The following DPP6 variants were observed in gnomAD, a reference collection of about 807,000 sequenced individuals.
DPP6 encodes A-type potassium channel modulatory protein DPP6.
A neutral mutation model predicts 122.6 loss-of-function variants in DPP6; 69 were observed. The observed-to-expected ratio is 0.56, with a 90% CI of 0.46 to 0.69. DPP6 has a LOEUF of 0.69. DPP6 is among the 30% of genes least tolerant of loss of function. The pLI is 0.00. For synonymous variants in DPP6, 418 were observed against 433.1 expected, an observed-to-expected ratio of 0.97 and a Z score of 0.43; for missense variants, 928 against 1,116.9, an observed-to-expected ratio of 0.83 and a Z score of 2.41.
chr7:153,761,014 C>A, the DPP6 span, among the ~76,000 whole-genome samples: 2 of 152,248 alleles, frequency 1.3e-5, no homozygotes, highest in Non-Finnish European at 2.9e-5. Flanking sequence ...GTCTCCTGGG[C>A]CCCACCTAGG....
chr7:154,006,067 G>T (rs1339446216), intron 1 of DPP6, among the ~76,000 whole-genome samples: 2 of 152,192 alleles, frequency 1.3e-5, no homozygotes, highest in African/African-American at 4.8e-5. Context: ...CCAAATCTCA[G>T]TGGAGCCTGT....
the DPP6 span, among the ~76,000 whole-genome samples, chr7:153,847,906 C>T: frequency 6.6e-5 from 10 of 152,162 alleles, no homozygotes; most frequent in Non-Finnish European, 1.2e-4. Context: ...TTCACAGCCA[C>T]GTTGGCAATG....
chr7:153,773,265 G>A, the DPP6 span, among the ~76,000 whole-genome samples: 92 of 38,430 alleles, frequency 2.4e-3, no homozygotes, highest in African/African-American at 0.01. Context: ...CTTTTCTTTC[G>A]TGTGTGTGTG....
Position 154,036,478 on chromosome 7 carries a change from C to G in DPP6, c.51+148744C>G, listed in dbSNP as rs577269519. ...TGAGCTTCAAATGTCTTGCTTACAG[C>G]TATTTTGGGGCTCTGAGTTGAGATT... On this transcript the variant is annotated intron_variant, in intron 1 of 25. Coordinates refer to the DPP6 transcript ENST00000404039. Among the ~76,000 whole-genome samples, 49 of 148,888 alleles carry G rather than the reference C, an allele frequency of 3.3e-4. 1 individual carries two copies. In the South Asian group the frequency reaches 0.01, roughly 31 times the overall value.
chr7:154,374,854 T>G (rs1275992120), intron 1 of DPP6, among the ~76,000 whole-genome samples: 1 of 152,092 alleles, frequency 6.6e-6, no homozygotes, highest in Non-Finnish European at 1.5e-5. Flanking sequence ...TCAGGTGATC[T>G]GCCCGCCTCA....
intron 7 of DPP6, among the ~76,000 whole-genome samples, chr7:154,717,202 C>A (rs753031901): frequency 3.9e-5 from 6 of 152,116 alleles, no homozygotes; most frequent in Non-Finnish European, 7.4e-5. Flanking sequence ...TTCATCAGCT[C>A]GAACATTTAT....
At chr7:154,501,576 C>G (rs1265898542) in intron 3 of DPP6, among the ~76,000 whole-genome samples, 2 of 152,210 alleles carry the variant, frequency 1.3e-5, no homozygotes, top group Non-Finnish European at 2.9e-5. Context: ...GTCTTGGCTG[C>G]TTCCACATGG....
At chr7:154,365,850 C>T (rs931248502) in intron 1 of DPP6, among the ~76,000 whole-genome samples, 34 of 149,534 alleles carry the variant, frequency 2.3e-4, no homozygotes, top group Admixed American at 3.4e-4. Context: ...CCCAGCTACT[C>T]GGGAGGCTGA....
chr7:154,385,212 G>A (rs527469428), intron 1 of DPP6, among the ~76,000 whole-genome samples: 88 of 152,198 alleles, frequency 5.8e-4, no homozygotes, highest in Non-Finnish European at 1.1e-3. Flanking sequence ...CTCATGATCC[G>A]CCCGCCTCGG....
At chr7:154,026,151 C>G (rs1798946075) in intron 1 of DPP6, 1 of 151,950 alleles carries the variant, frequency 6.6e-6, no homozygotes, top group Admixed American at 6.6e-5. Flanking sequence ...GTGCCACATG[C>G]CTGCATGACT....
intron 1 of DPP6, among the ~76,000 whole-genome samples, chr7:154,122,919 T>G (rs548820687): frequency 6.6e-6 from 1 of 152,356 alleles, no homozygotes; most frequent in East Asian, 1.9e-4. Context: ...TCCTCCTCCC[T>G]CTGACCATCA....
intron 1 of DPP6, chr7:154,057,963 G>A: frequency 6.6e-6 from 1 of 150,852 alleles, no homozygotes; most frequent in Non-Finnish European, 1.5e-5. Context: ...TGCCCTGCTA[G>A]TACAAGAAGC....
chr7:153,919,428 A>T (rs376136797), intron 1 of DPP6, among the ~76,000 whole-genome samples: 1 of 152,220 alleles, frequency 6.6e-6, no homozygotes, highest in Non-Finnish European at 1.5e-5. Flanking sequence ...GGCCTCATGC[A>T]TGTGAGTCCT....
intron 1 of DPP6, among the ~76,000 whole-genome samples, chr7:153,986,390 C>A (rs2129040174): frequency 1.3e-5 from 2 of 151,784 alleles, no homozygotes; most frequent in South Asian, 4.2e-4. Context: ...CATCTTCAGG[C>A]CCCAAATTGG....
chr7:154,638,094 C>G lies in DPP6; in HGVS notation c.680+221C>G, dbSNP rs56255210. Among the ~76,000 whole-genome samples the G allele has an allele frequency of 0.058, 8,811 of 152,240 alleles. 306 individuals are homozygous for G. The highest frequency in any genetic ancestry group is 0.074 in the Non-Finnish European group (5,058 of 68,016). On this transcript the variant is annotated intron_variant, in intron 6 of 25. Coordinates refer to ENST00000377770, the MANE Select transcript of DPP6 (RefSeq NM_130797.4). ...CTCACTTCCCCATTTGTGAAGCCCC[C>G]TTCCTAGAGCAACTCTGCCCTCTTC...
chr7:154,254,315 G>T (rs1008757339), intron 1 of DPP6, among the ~76,000 whole-genome samples: 1 of 152,032 alleles, frequency 6.6e-6, no homozygotes, highest in East Asian at 1.9e-4. Context: ...TGATTTTGTT[G>T]TATTACAAAG....
the DPP6 span, among the ~76,000 whole-genome samples, chr7:153,811,199 T>TGCAAGGCCC: frequency 6.6e-6 from 1 of 152,206 alleles, no homozygotes; most frequent in South Asian, 2.1e-4. Flanking sequence ...ACTGACTCCC[T>TGCAAGGCCC]GCAAGGCCCG....
intron 1 of DPP6, among the ~76,000 whole-genome samples, chr7:154,150,732 G>T (rs1796369182): frequency 6.6e-6 from 1 of 152,240 alleles, no homozygotes; most frequent in African/African-American, 2.4e-5. Flanking sequence ...GCTGGCCCAG[G>T]CCGGGTCCTC....
intron 1 of DPP6, among the ~76,000 whole-genome samples, chr7:154,131,613 G>A (rs546589120): frequency 2.0e-5 from 3 of 152,410 alleles, no homozygotes; most frequent in African/African-American, 7.2e-5. Context: ...TGGATTAGCA[G>A]AATGTTTGAT....
Sources: gnomAD v4.1 joint callset for allele counts (sites outside exome capture counted in the v4.1 genomes callset) on GRCh38, gnomAD v4.1.1 for gene constraint, MANE v1.5 for transcripts, NCBI Gene and HGNC (gene_info 2026-07-23, HGNC 2026-07-21) for gene names.